The following CD1B variants were observed in gnomAD, a reference collection of about 807,000 sequenced individuals.
CD1B encodes T-cell surface glycoprotein CD1b.
CD1B carries 43 observed loss-of-function variants against 39.8 expected under a neutral mutation model. The ratio of observed to expected loss-of-function variants is 1.08; its 90% confidence interval spans 0.85 to 1.39. CD1B has a LOEUF of 1.39. Among genes scored for constraint, CD1B ranks in the 40% most tolerant of loss-of-function variants. CD1B has a pLI of 0.00. For missense variants in CD1B, 495 were observed against 403.8 expected, an observed-to-expected ratio of 1.23 and a Z score of -1.94; for synonymous variants, 192 against 152.5, an observed-to-expected ratio of 1.26 and a Z score of -1.91.
the CD1B span, among the ~76,000 whole-genome samples, chr1:158,310,256 G>A: frequency 1.3e-5 from 2 of 152,134 alleles, no homozygotes; most frequent in African/African-American, 4.8e-5. Context: ...TGTGCTAACT[G>A]GCTAGCCATA....
the CD1B span, among the ~76,000 whole-genome samples, chr1:158,295,308 C>T: frequency 1.3e-5 from 2 of 152,158 alleles, no homozygotes; most frequent in South Asian, 4.2e-4. Context: ...GCGAACCCTA[C>T]ACAGGGTTGC....
At chr1:158,313,185 C>T in the CD1B span, among the ~76,000 whole-genome samples, 14 of 152,154 alleles carry the variant, frequency 9.2e-5, no homozygotes, top group African/African-American at 3.4e-4. Flanking sequence ...CCTTGCATCC[C>T]TGGAATGAAT....
At chr1:158,318,797 T>G in the CD1B span, among the ~76,000 whole-genome samples, 20 of 152,182 alleles carry the variant, frequency 1.3e-4, no homozygotes, top group South Asian at 1.0e-3. Context: ...TGCAGCAGCT[T>G]GTACCGGTTG....
the CD1B span, among the ~76,000 whole-genome samples, chr1:158,304,843 C>T: frequency 5.8e-3 from 886 of 152,288 alleles, 8 homozygotes; most frequent in Admixed American, 8.6e-3. Flanking sequence ...GAGTAGACCT[C>T]CAGCAAACTC....
chr1:158,291,614 C>G, the CD1B span, among the ~76,000 whole-genome samples: 1 of 152,102 alleles, frequency 6.6e-6, no homozygotes, highest in Non-Finnish European at 1.5e-5. Context: ...TTGTTATCTT[C>G]CACCTGTGGT....
At chr1:158,287,618 C>T in the CD1B span, among the ~76,000 whole-genome samples, 1 of 152,094 alleles carries the variant, frequency 6.6e-6, no homozygotes, top group African/African-American at 2.4e-5. Context: ...TATCTAGTGG[C>T]ACTATCAGAA....
chr1:158,319,728 G>A, the CD1B span, among the ~76,000 whole-genome samples: 163 of 152,344 alleles, frequency 1.1e-3, no homozygotes, highest in Non-Finnish European at 2.0e-3. Flanking sequence ...CTTTGGAGGA[G>A]GAGAGGCGCT....
the CD1B span, chr1:158,291,369 T>G: frequency 6.2e-7 from 1 of 1,614,140 alleles, no homozygotes; most frequent in South Asian, 1.1e-5. Context: ...CTCGGGAGAT[T>G]CAAGACCATG....
At chr1:158,288,528 A>G in the CD1B span, among the ~76,000 whole-genome samples, 1 of 152,126 alleles carries the variant, frequency 6.6e-6, no homozygotes, top group Non-Finnish European at 1.5e-5. Context: ...TTTAGCTGGG[A>G]CTACAGGCAT....
At chr1:158,313,272 C>T in the CD1B span, among the ~76,000 whole-genome samples, 3 of 152,060 alleles carry the variant, frequency 2.0e-5, no homozygotes, top group Non-Finnish European at 4.4e-5. Context: ...AGGATTTTTG[C>T]ATGCGTTTCA....
At chr1:158,313,711 G>C in the CD1B span, among the ~76,000 whole-genome samples, 2 of 152,180 alleles carry the variant, frequency 1.3e-5, no homozygotes, top group African/African-American at 2.4e-5. Context: ...CTCTCATTCA[G>C]TTTTTTTGGG....
the CD1B span, among the ~76,000 whole-genome samples, chr1:158,301,435 C>A: frequency 6.6e-6 from 1 of 152,116 alleles, no homozygotes; most frequent in Non-Finnish European, 1.5e-5. Context: ...CTGGTTGTTT[C>A]TTTCCATGTT....
the CD1B span, among the ~76,000 whole-genome samples, chr1:158,302,165 G>C: frequency 6.6e-6 from 1 of 152,090 alleles, no homozygotes; most frequent in African/African-American, 2.4e-5. Context: ...CAATTAAATA[G>C]CAATTAAACA....
the CD1B span, among the ~76,000 whole-genome samples, chr1:158,310,647 C>G: frequency 6.6e-6 from 1 of 152,052 alleles, no homozygotes; most frequent in African/African-American, 2.4e-5. Flanking sequence ...AAAAAATAGG[C>G]AAAGAATATC....
At chr1:158,326,786 A>AATTACTATT (rs1553194148), downstream of CD1B, among the ~76,000 whole-genome samples, 1 of 149,542 alleles carries the variant, frequency 6.7e-6, no homozygotes, top group African/African-American at 2.5e-5. Flanking sequence ...GCACATATAA[A>AATTACTATT]ATTATTATTA....
chr1:158,316,121 C>G, the CD1B span, among the ~76,000 whole-genome samples: 82,957 of 151,608 alleles, frequency 0.55, 26,057 homozygotes, highest in African/African-American at 0.85. Flanking sequence ...TTTTGGCTTA[C>G]GATTGACTTG....
the CD1B span, among the ~76,000 whole-genome samples, chr1:158,314,740 T>C: frequency 6.6e-6 from 1 of 152,178 alleles, no homozygotes; most frequent in East Asian, 1.9e-4. Flanking sequence ...TGTGCCATGC[T>C]GGTGCGCGGC....
chr1:158,316,056 T>G, the CD1B span, among the ~76,000 whole-genome samples: 1 of 152,062 alleles, frequency 6.6e-6, no homozygotes, highest in Non-Finnish European at 1.5e-5. Context: ...TTTTGGTTAC[T>G]GTAGCCTTGT....
At chr1:158,319,742 C>T in the CD1B span, among the ~76,000 whole-genome samples, 1 of 152,188 alleles carries the variant, frequency 6.6e-6, no homozygotes, top group Non-Finnish European at 1.5e-5. Flanking sequence ...AGGCGCTCTG[C>T]TTTTTAGAGT....
Sources: allele counts gnomAD v4.1 joint callset (sites outside exome capture counted in the v4.1 genomes callset), GRCh38; gene constraint gnomAD v4.1.1; transcripts MANE v1.5; gene names NCBI Gene and HGNC (gene_info 2026-07-23, HGNC 2026-07-21).